Variants in CFAP47 observed in about 807,000 individuals in gnomAD.
CFAP47 encodes the protein cilia and flagella associated protein 47, also known as cilia- and flagella-associated protein 47.
Under a neutral mutation model 148.1 loss-of-function variants are expected in CFAP47, and 29 were observed. That is an observed-to-expected ratio of 0.20 (90% confidence interval 0.15 to 0.27). The LOEUF is 0.27. Ranked by LOEUF, CFAP47 falls within the 10% of genes least tolerant of loss-of-function variation. The pLI is 1.00. For missense variants in CFAP47, 1,872 were observed against 1,697.5 expected, an observed-to-expected ratio of 1.10 and a Z score of -1.81; for synonymous variants, 664 against 577.3, an observed-to-expected ratio of 1.15 and a Z score of -2.15.
At chrX:36,253,911 TCAGGACCTAGATCAGG>T (rs1443082876) in intron 49 of CFAP47, among the ~76,000 whole-genome samples, 1 of 111,769 alleles carries the variant, frequency 8.9e-6, no homozygotes, top group East Asian at 2.8e-4. Context: ...TCAGGATGCC[TCAGGACCTAGATCAGG>T]CAGGACCTAG....
intron 40 of CFAP47, among the ~76,000 whole-genome samples, chrX:36,185,418 T>A (rs1219934850): frequency 9.0e-6 from 1 of 110,996 alleles, no homozygotes; most frequent in Non-Finnish European, 1.9e-5. Flanking sequence ...ATTCAGTCTA[T>A]AGTAGCTAGT....
At chrX:36,267,477 CTTTTTT>C (rs1206035626) in intron 49 of CFAP47, among the ~76,000 whole-genome samples, 1 of 82,129 alleles carries the variant, frequency 1.2e-5, no homozygotes, top group African/African-American at 5.2e-5. Context: ...GGTTCATGTT[CTTTTTT>C]TTTTTTTTTT....
intron 54 of CFAP47, among the ~76,000 whole-genome samples, chrX:36,306,466 A>T (rs186967519): frequency 6.1e-3 from 677 of 111,442 alleles, no homozygotes; most frequent in African/African-American, 0.021. Context: ...CATAAAGTGT[A>T]TATGTCTTTT....
intron 39 of CFAP47, among the ~76,000 whole-genome samples, chrX:36,172,432 G>T (rs1337642554): frequency 9.3e-6 from 1 of 107,525 alleles, no homozygotes; most frequent in Non-Finnish European, 1.9e-5. Flanking sequence ...ATTGGCTGTG[G>T]GTTTGTCATA....
At chrX:36,288,010 A>G (rs1556004918) in intron 51 of CFAP47, among the ~76,000 whole-genome samples, 4 of 111,759 alleles carry the variant, frequency 3.6e-5, no homozygotes, top group African/African-American at 1.3e-4. Context: ...CTTTATTTAA[A>G]CTTTATACCT....
intron 3 of CFAP47, 37 bp from the exon 4 acceptor site, chrX:35,948,277 G>T: frequency 8.7e-7 from 1 of 1,148,946 alleles, no homozygotes; most frequent in South Asian, 1.9e-5. Context: ...ACATTGTAAG[G>T]GTCCAGATGT....
At chrX:36,302,093 T>C (rs1556007933) in intron 53 of CFAP47, among the ~76,000 whole-genome samples, 1 of 109,473 alleles carries the variant, frequency 9.1e-6, no homozygotes, top group Admixed American at 1.0e-4. Context: ...TAAGGTATTG[T>C]TTATGAGAAA....
chrX:36,163,607 T>G (rs781306502), intron 39 of CFAP47, among the ~76,000 whole-genome samples: 1 of 111,553 alleles, frequency 9.0e-6, no homozygotes, highest in Admixed American at 9.6e-5. Context: ...TCATTAATCT[T>G]AAATTATTAT....
chrX:36,141,480 C>A (rs1193130681), intron 35 of CFAP47, among the ~76,000 whole-genome samples: 1 of 111,104 alleles, frequency 9.0e-6, no homozygotes, highest in African/African-American at 3.3e-5. Flanking sequence ...ACATTGAGGG[C>A]AGATGTTTCT....
intron 57 of CFAP47, among the ~76,000 whole-genome samples, chrX:36,327,838 T>C (rs1556013358): frequency 8.9e-6 from 1 of 111,803 alleles, no homozygotes; most frequent in East Asian, 2.8e-4. Flanking sequence ...GCAATAATCC[T>C]AAGTAAGTTA....
intron 37 of CFAP47, among the ~76,000 whole-genome samples, chrX:36,152,628 G>T (rs901563917): frequency 1.8e-5 from 2 of 111,433 alleles, no homozygotes; most frequent in Non-Finnish European, 3.8e-5. Context: ...CTTGTTCCTA[G>T]CCACCTCTAG....
intron 56 of CFAP47, among the ~76,000 whole-genome samples, chrX:36,311,498 TGA>T (rs1229881866): frequency 3.6e-5 from 4 of 111,229 alleles, no homozygotes; most frequent in Non-Finnish European, 7.6e-5. Context: ...ATAAATAATG[TGA>T]GTCTGAATTA....
rs139953672 is a variant in CFAP47, at chrX:36,293,509, C to T, written c.7687-5468C>T. On this transcript the variant is annotated intron_variant, in intron 51 of 63. Coordinates refer to ENST00000378653, the MANE Select transcript of CFAP47 (RefSeq NM_001304548.2). ...CTTTTTAGGGACTCAGAGGTTCCTA[C>T]GTATAGCTGGAGAAAAAGAAAGCAG... Among the ~76,000 whole-genome samples the T allele has an allele frequency of 3.4e-4, 38 of 112,014 alleles. 1 individual carries two copies. Among genetic ancestry groups the T allele is most frequent in the African/African-American group, 1.1e-3 (34 of 30,849 alleles).
chrX:36,126,620 G>T (rs1158069249), intron 33 of CFAP47, among the ~76,000 whole-genome samples: 2 of 112,003 alleles, frequency 1.8e-5, no homozygotes, highest in Non-Finnish European at 3.8e-5. Context: ...CCAGTAATGG[G>T]AATGCTGGGT....
At chrX:36,090,470 C>T (rs1243815743) in intron 30 of CFAP47, among the ~76,000 whole-genome samples, 2 of 111,463 alleles carry the variant, frequency 1.8e-5, no homozygotes. Context: ...TGGCACAGCT[C>T]CCAGTAGTGT....
intron 46 of CFAP47, among the ~76,000 whole-genome samples, chrX:36,232,008 G>A (rs1418171030): frequency 5.1e-3 from 566 of 110,980 alleles, no homozygotes; most frequent in Non-Finnish European, 6.9e-3. Context: ...TGCTGGATTC[G>A]GTTTGCTAGT....
At chrX:36,319,792 T>C (rs782344239) in intron 57 of CFAP47, among the ~76,000 whole-genome samples, 2 of 111,189 alleles carry the variant, frequency 1.8e-5, no homozygotes, top group African/African-American at 6.5e-5. Context: ...TGTTTGGTTT[T>C]GTTTTGTTTT....
chrX:36,062,277 G>A (rs1937600589), intron 26 of CFAP47, among the ~76,000 whole-genome samples: 1 of 111,249 alleles, frequency 9.0e-6, no homozygotes, highest in African/African-American at 3.3e-5. Context: ...TGCCATCACG[G>A]TATTTTGTGT....
At position 36,257,935 on chromosome X, in the gene CFAP47, T is replaced by A. The variant is rs139053513; in HGVS notation, c.7444+6491T>A. On this transcript the variant is annotated intron_variant, in intron 49 of 63. Coordinates refer to ENST00000378653, the MANE Select transcript of CFAP47 (RefSeq NM_001304548.2). ...ACCTTGAACATTCATGCTATAGTAG[T>A]GTGAAATTCTCTTATTATCCATGAC... Among the ~76,000 whole-genome samples, 649 of 112,177 alleles carry A rather than the reference T, an allele frequency of 5.8e-3. 8 individuals carry two copies. The highest frequency in any genetic ancestry group is 0.019 in the African/African-American group (596 of 30,861).
Sources: gnomAD v4.1 joint callset for allele counts (sites outside exome capture counted in the v4.1 genomes callset) on GRCh38, gnomAD v4.1.1 for gene constraint, MANE v1.5 for transcripts, NCBI Gene and HGNC (gene_info 2026-07-23, HGNC 2026-07-21) for gene names.